The following CASK variants were observed in gnomAD, a reference collection of about 807,000 sequenced individuals.
CASK encodes peripheral plasma membrane protein CASK.
Under a neutral mutation model 82.9 loss-of-function variants are expected in CASK, and 4 were observed. The ratio of observed to expected loss-of-function variants is 0.05; its 90% CI spans 0.02 to 0.11. The LOEUF is 0.11. CASK is among the 10% of genes least tolerant of loss of function. CASK has a pLI of 1.00. For synonymous variants in CASK, 259 were observed against 253.5 expected (o/e 1.02, Z -0.20); for missense variants, 358 against 720.9 (o/e 0.50, Z 5.76).
chrX:41,849,816 G>A (rs992068120), intron 2 of CASK, among the ~76,000 whole-genome samples: 1 of 106,385 alleles, frequency 9.4e-6, no homozygotes, highest in African/African-American at 3.4e-5. Flanking sequence ...ATCTTCATTA[G>A]AGCAATGAGA....
At chrX:41,731,245 C>A (rs1213444030) in intron 5 of CASK, among the ~76,000 whole-genome samples, 5 of 111,420 alleles carry the variant, frequency 4.5e-5, no homozygotes, top group African/African-American at 1.6e-4. Context: ...CATAGTGAGA[C>A]CACGTCTCTA....
intron 7 of CASK, 107 bp from the exon 8 acceptor site, chrX:41,660,668 C>T: frequency 1.2e-6 from 1 of 815,801 alleles, no homozygotes; most frequent in Non-Finnish European, 1.8e-6. Flanking sequence ...ATTCTGAGAG[C>T]AAAGAACAGA....
intron 1 of CASK, among the ~76,000 whole-genome samples, chrX:41,870,025 G>A (rs2071676483): frequency 1.8e-5 from 2 of 108,748 alleles, no homozygotes; most frequent in Admixed American, 2.0e-4. Context: ...TGTCAACTGG[G>A]GTCCCAGCAG....
intron 9 of CASK, among the ~76,000 whole-genome samples, chrX:41,636,238 A>C (rs944930075): frequency 5.4e-5 from 6 of 111,697 alleles, no homozygotes; most frequent in Non-Finnish European, 1.1e-4. Context: ...CATTGAACTA[A>C]ACATACATTT....
chrX:41,659,997 T>TAA (rs756132427), intron 8 of CASK: 83 of 99,099 alleles, frequency 8.4e-4, no homozygotes, highest in East Asian at 2.1e-3. Context: ...AGACCTTGTC[T>TAA]AAAAAAAAAA....
Position 41,923,409 on chromosome X carries a change from G to C in CASK, c.-421C>G, listed in dbSNP as rs1423051049. ...TCGCGGAGCAGCTCGGGCTACAGAGGGGGCCGCGGCAGGACCATGGAGCGA... is the reference window on the plus strand; with the variant it reads ...TCGCGGAGCAGCTCGGGCTACAGAGCGGGCCGCGGCAGGACCATGGAGCGA... On this transcript the variant is annotated 5_prime_UTR_variant, in exon 1 of 27. Transcript: ENST00000378163. 1 of 111,112 alleles carries C rather than the reference G, an allele frequency of 9.0e-6. No homozygotes were observed. Among genetic ancestry groups the C allele is most frequent in the East Asian group, 2.9e-4 (1 of 3,475 alleles). 9.2% of individuals were successfully genotyped at this position (111,112 alleles called of 1,213,427 possible).
chrX:41,846,577 C>T (rs187764651), intron 2 of CASK, among the ~76,000 whole-genome samples: 105 of 111,123 alleles, frequency 9.4e-4, no homozygotes, highest in African/African-American at 3.4e-3. Context: ...TTTAATTGTA[C>T]ATTTTAAAAT....
chrX:41,693,138 T>C (rs959809434), intron 5 of CASK, among the ~76,000 whole-genome samples: 1 of 111,709 alleles, frequency 9.0e-6, no homozygotes, highest in Non-Finnish European at 1.9e-5. Context: ...ACTTGAGCTC[T>C]CAAAATCACA....
chrX:41,529,540 G>A (rs1175132304), intron 25 of CASK: 3 of 112,895 alleles, frequency 2.7e-5, no homozygotes, highest in Admixed American at 1.9e-4. Context: ...AGCAGAAAAC[G>A]ACGTTCAGGT....
chrX:41,606,784 C>T (rs1337755941), intron 12 of CASK, among the ~76,000 whole-genome samples: 1 of 109,350 alleles, frequency 9.1e-6, no homozygotes, highest in African/African-American at 3.3e-5. Flanking sequence ...CCTTGAATTC[C>T]TGGGCTCAGG....
At chrX:41,530,415 T>C (rs1457659617) in intron 25 of CASK, among the ~76,000 whole-genome samples, 1 of 112,298 alleles carries the variant, frequency 8.9e-6, no homozygotes, top group Non-Finnish European at 1.9e-5. Flanking sequence ...CAAGTCTTTA[T>C]CTCTCTCCTA....
At chrX:41,781,743 T>A (rs1186466982) in intron 3 of CASK, among the ~76,000 whole-genome samples, 1 of 112,047 alleles carries the variant, frequency 8.9e-6, no homozygotes, top group Non-Finnish European at 1.9e-5. Context: ...CACATGACTT[T>A]AAATCTTAGA....
intron 24 of CASK, 68 bp from the exon 25 acceptor site, chrX:41,531,277 T>C: frequency 3.5e-6 from 3 of 854,438 alleles, no homozygotes; most frequent in Non-Finnish European, 5.3e-6. Flanking sequence ...TCCCAACAGA[T>C]TTACTCAAAC....
chrX:41,577,918 T>C (rs1234597860), intron 15 of CASK, among the ~76,000 whole-genome samples: 1 of 112,195 alleles, frequency 8.9e-6, no homozygotes, highest in Non-Finnish European at 1.9e-5. Flanking sequence ...TTAATCTTCC[T>C]CTAATTTTGT....
chrX:41,886,392 T>C (rs766459962), intron 1 of CASK, among the ~76,000 whole-genome samples: 2 of 111,700 alleles, frequency 1.8e-5, no homozygotes, highest in Non-Finnish European at 3.8e-5. Flanking sequence ...TTAAAGAAGC[T>C]TGGAAACTTA....
At chrX:41,548,679 C>T (rs2065055114) in intron 21 of CASK, among the ~76,000 whole-genome samples, 2 of 111,591 alleles carry the variant, frequency 1.8e-5, no homozygotes, top group African/African-American at 6.5e-5. Flanking sequence ...TCAATATGTG[C>T]TATTAGTCAG....
chrX:41,770,253 CT>C (rs1335553830), intron 3 of CASK, among the ~76,000 whole-genome samples: 28 of 104,721 alleles, frequency 2.7e-4, no homozygotes, highest in African/African-American at 8.2e-4. Context: ...ATCTATCTAT[CT>C]ATCATCTATC....
intron 11 of CASK, among the ~76,000 whole-genome samples, chrX:41,612,172 G>A (rs763664195): frequency 9.2e-6 from 1 of 109,136 alleles, no homozygotes; most frequent in East Asian, 3.0e-4. Flanking sequence ...CGTCTGGGAC[G>A]TGAGGAGCCC....
At chrX:41,649,827 A>G (rs1356415207) in intron 8 of CASK, among the ~76,000 whole-genome samples, 1 of 110,962 alleles carries the variant, frequency 9.0e-6, no homozygotes, top group East Asian at 2.8e-4. Flanking sequence ...TCTCTCGTTG[A>G]TCTGTCTGAT....
Sources: gnomAD v4.1 joint callset for allele counts (sites outside exome capture counted in the v4.1 genomes callset) on GRCh38, gnomAD v4.1.1 for gene constraint, MANE v1.5 for transcripts, NCBI Gene and HGNC (gene_info 2026-07-23, HGNC 2026-07-21) for gene names.